The following ZNF565 variants were observed in gnomAD, a reference collection of about 807,000 sequenced individuals.
ZNF565 encodes the protein zinc finger protein 565.
In ZNF565, 27 loss-of-function variants were observed where a neutral mutation model predicts 39.4. The ratio of observed to expected loss-of-function variants is 0.69; its 90% CI spans 0.51 to 0.95. The LOEUF (loss-of-function observed/expected upper bound fraction) is 0.95. Ranked by LOEUF, ZNF565 falls within the 40% of genes least tolerant of loss-of-function variation. The pLI is 0.00. For synonymous variants in ZNF565, 185 were observed against 216.6 expected (o/e 0.85, Z 1.28); for missense variants, 524 against 621.1 (o/e 0.84, Z 1.66).
chr19:36,206,188 CT>C (rs1366090679), intron 1 of ZNF565, among the ~76,000 whole-genome samples: 1 of 152,072 alleles, frequency 6.6e-6, no homozygotes, highest in Non-Finnish European at 1.5e-5. Flanking sequence ...TCTTCAACTC[CT>C]GCCTCAAGTG....
At chr19:36,187,397 T>C (rs886871815) in intron 4 of ZNF565, among the ~76,000 whole-genome samples, 11 of 151,182 alleles carry the variant, frequency 7.3e-5, no homozygotes, top group Admixed American at 1.3e-4. Context: ...AGTCTCGCTC[T>C]GTCGCCCAGG....
intron 1 of ZNF565, chr19:36,235,774 A>G (rs991427881): frequency 6.6e-6 from 1 of 152,244 alleles, no homozygotes; most frequent in African/African-American, 2.4e-5. Context: ...AGCGTTGAAT[A>G]TAAGAAAAAA....
At chr19:36,229,092 C>G (rs1450173109) in intron 1 of ZNF565, among the ~76,000 whole-genome samples, 3 of 152,182 alleles carry the variant, frequency 2.0e-5, no homozygotes, top group Admixed American at 1.3e-4. Flanking sequence ...GGCTGTTCTC[C>G]TTCATCCACA....
At chr19:36,217,049 C>A (rs1976639101), upstream of ZNF565, among the ~76,000 whole-genome samples, 1 of 130,898 alleles carries the variant, frequency 7.6e-6, no homozygotes, top group Non-Finnish European at 1.6e-5. Flanking sequence ...GACAGCCAGT[C>A]CCTGTCTTTT....
At chr19:36,240,493 T>A (rs1356955177) in intron 1 of ZNF565, among the ~76,000 whole-genome samples, 1 of 152,306 alleles carries the variant, frequency 6.6e-6, no homozygotes, top group Middle Eastern at 3.4e-3. Flanking sequence ...CCACAAATGC[T>A]ATGGGTTGAA....
At chr19:36,184,291 G>C (rs1007032729) in intron 4 of ZNF565, among the ~76,000 whole-genome samples, 2 of 151,896 alleles carry the variant, frequency 1.3e-5, no homozygotes, top group Admixed American at 1.3e-4. Context: ...CTTTGAGACG[G>C]AGTCTTGCTC....
chr19:36,245,327 GA>G lies in ZNF565; in HGVS notation c.55+148del, dbSNP rs552822617. 545 of 646,342 alleles carry G rather than the reference GA, an allele frequency of 8.4e-4. 6 individuals carry two copies. The East Asian group carries it at 9.3e-3, about 11-fold the overall frequency. 40.0% of individuals were successfully genotyped at this position (646,342 alleles called of 1,614,324 possible). ...TATGACCCCAGCTCAGTTCTAAGCC[GA>G]GGGGCTGCTGCCGGACATTCTAGGG... On this transcript the variant is annotated intron_variant, in intron 1 of 4. Transcript: ENST00000355114. This position sits in a 1 kb window ranked among gnomAD's most constrained non-coding sequence, Gnocchi z 4.4.
intron 1 of ZNF565, among the ~76,000 whole-genome samples, chr19:36,232,631 CAT>C (rs1379743418): frequency 1.4e-5 from 2 of 142,614 alleles, no homozygotes; most frequent in Non-Finnish European, 3.0e-5. Flanking sequence ...TTTCCCGAGA[CAT>C]AGTCTCCCTC....
At chr19:36,244,849 T>TAA (rs775546485) in intron 1 of ZNF565, among the ~76,000 whole-genome samples, 25,026 of 128,948 alleles carry the variant, frequency 0.19, 2,549 homozygotes, top group Admixed American at 0.22. Context: ...GACTACGTCT[T>TAA]AAAAAAAAAA....
At chr19:36,238,422 T>C (rs1263207999) in intron 1 of ZNF565, 1 of 166,954 alleles carries the variant, frequency 6.0e-6, no homozygotes, top group Non-Finnish European at 1.5e-5. Context: ...GTGGGATGGG[T>C]ATTGGTTAAA....
chr19:36,192,228 T>C (rs750280203), intron 4 of ZNF565, among the ~76,000 whole-genome samples: 25 of 151,568 alleles, frequency 1.6e-4, no homozygotes, highest in Non-Finnish European at 2.8e-4. Flanking sequence ...ACCTTGTGAT[T>C]CGCCCGCCTT....
chr19:36,188,400 AAAAC>A lies in ZNF565; in HGVS notation c.233-4671_233-4668del, dbSNP rs1019055349. The stretch of plus-strand genomic sequence containing the variant: ...AGAGAGAAAAAAAAATTAAAAACAA[AAAAC>A]AAACAACTCCAAGAACAGATGAGGG... On this transcript the variant is annotated intron_variant, in intron 4 of 4. Transcript: ENST00000304116. Among the ~76,000 whole-genome samples, 9 of 151,644 alleles carry A rather than the reference AAAAC, an allele frequency of 5.9e-5. No homozygotes were observed. The South Asian group carries it at 8.3e-4, about 14-fold the overall frequency.
At chr19:36,189,927 G>A (rs1182869887) in intron 4 of ZNF565, among the ~76,000 whole-genome samples, 1 of 151,590 alleles carries the variant, frequency 6.6e-6, no homozygotes, top group Non-Finnish European at 1.5e-5. Context: ...TCCGCCTCCC[G>A]GGTTCAAGCG....
intron 1 of ZNF565, chr19:36,236,392 A>C (rs921337231): frequency 6.5e-7 from 1 of 1,541,758 alleles, no homozygotes; most frequent in Non-Finnish European, 8.7e-7. Flanking sequence ...CTCATCAAGA[A>C]ATTTTTACTG....
chr19:36,208,208 T>C (rs964883143), intron 1 of ZNF565, among the ~76,000 whole-genome samples: 7 of 131,148 alleles, frequency 5.3e-5, no homozygotes, highest in Admixed American at 5.1e-4. Context: ...CAGGACAATT[T>C]TTTTTTTTTT....
intron 2 of ZNF565, among the ~76,000 whole-genome samples, chr19:36,197,262 A>T (rs1975794836): frequency 6.6e-6 from 1 of 151,772 alleles, no homozygotes; most frequent in African/African-American, 2.4e-5. Flanking sequence ...ACAGAGCGAG[A>T]CTCTGTCTCA....
chr19:36,191,022 A>T (rs1369128428), intron 4 of ZNF565, among the ~76,000 whole-genome samples: 3 of 150,846 alleles, frequency 2.0e-5, no homozygotes, highest in Non-Finnish European at 4.4e-5. Context: ...ACATAAAAAC[A>T]AACTTTTTCT....
In ZNF565 at chr19:36,242,183, G is replaced by A. The variant is rs376765004; in HGVS notation, c.55+3293C>T. ...TCCCAGCACTTTGGGAGGCCGAGGC[G>A]GGCGGATCACCTGAGATCAGGAGTT... On this transcript the variant is annotated intron_variant, in intron 1 of 4. Transcript: ENST00000355114. Among the ~76,000 whole-genome samples the A allele has an allele frequency of 5.7e-3, 864 of 152,156 alleles. 7 individuals carry two copies. The highest frequency in any genetic ancestry group is 0.019 in the African/African-American group (808 of 41,474).
intron 2 of ZNF565, among the ~76,000 whole-genome samples, chr19:36,200,585 T>A (rs1367140114): frequency 1.3e-5 from 2 of 150,620 alleles, no homozygotes; most frequent in African/African-American, 4.9e-5. Flanking sequence ...GCCTCCTAGG[T>A]TCAAGCGATT....
Sources: gnomAD v4.1 joint callset for allele counts (sites outside exome capture counted in the v4.1 genomes callset) on GRCh38, gnomAD v4.1.1 for gene constraint, Gnocchi (gnomAD v3.1) non-coding constraint, MANE v1.5 for transcripts, NCBI Gene and HGNC (gene_info 2026-07-23, HGNC 2026-07-21) for gene names.